ERC1: variants seen among roughly 807,000 people sequenced by gnomAD.
ERC1 encodes ELKS/RAB6-interacting/CAST family member 1.
ERC1 carries 56 observed loss-of-function variants against 132.0 expected under a neutral mutation model. The ratio of observed to expected loss-of-function variants is 0.42; its 90% CI spans 0.34 to 0.53. The LOEUF is 0.53. ERC1 is among the 20% of genes least tolerant of loss of function. ERC1 has a pLI of 0.03. For missense variants in ERC1, 1,202 were observed against 1,349.9 expected (o/e 0.89, Z 1.72); for synonymous variants, 478 against 476.1 (o/e 1.00, Z -0.05).
At chr12:1,304,559 A>T (rs547434621) in intron 15 of ERC1, among the ~76,000 whole-genome samples, 1 of 152,202 alleles carries the variant, frequency 6.6e-6, no homozygotes, top group Non-Finnish European at 1.5e-5. Context: ...CAACTGGTTA[A>T]GCAGCCAAAA....
chr12:1,429,691 AG>A (rs2092736611), intron 17 of ERC1, among the ~76,000 whole-genome samples: 1 of 152,224 alleles, frequency 6.6e-6, no homozygotes, highest in African/African-American at 2.4e-5. Flanking sequence ...AGAAAAACCC[AG>A]GTCTCCAGAG....
chr12:1,108,492 A>AC (rs1201161879), intron 4 of ERC1, among the ~76,000 whole-genome samples: 1 of 152,132 alleles, frequency 6.6e-6, no homozygotes. Context: ...ACAGAGGAGA[A>AC]CTTACCTTTA....
At chr12:1,441,636 C>G (rs1055192399) in intron 17 of ERC1, among the ~76,000 whole-genome samples, 1 of 152,146 alleles carries the variant, frequency 6.6e-6, no homozygotes, top group Non-Finnish European at 1.5e-5. Context: ...TACCCACAAA[C>G]ATGCGCGTGT....
intron 16 of ERC1, among the ~76,000 whole-genome samples, chr12:1,396,252 A>G (rs1851179573): frequency 6.6e-6 from 1 of 152,264 alleles, no homozygotes; most frequent in Non-Finnish European, 1.5e-5. Context: ...TAATACAAAG[A>G]GGAAAATGAA....
intron 2 of ERC1, among the ~76,000 whole-genome samples, chr12:1,039,832 G>A (rs1363504281): frequency 6.6e-6 from 1 of 152,174 alleles, no homozygotes; most frequent in African/African-American, 2.4e-5. Flanking sequence ...TTCAGTATCA[G>A]CTACATGCCT....
At position 1,364,406 on chromosome 12, in the gene ERC1, T is replaced by C. The variant is rs145690966; in HGVS notation, c.2781-7427T>C. 2.0e-3 allele frequency among the ~76,000 whole-genome samples: 300 copies of C among 152,326 alleles called. 2 individuals carry two copies. The highest frequency in any genetic ancestry group is 7.0e-3 in the African/African-American group (289 of 41,578). ...CAAATCACTTCTCATTCAGCATTTT[T>C]GTGTACCCTCTGCCTGCTGGGTTCT... On this transcript the variant is annotated intron_variant, in intron 15 of 18. Coordinates refer to ENST00000360905, the MANE Select transcript of ERC1 (RefSeq NM_178040.4).
In ERC1 at chr12:1,263,172, T is replaced by A; in HGVS notation, c.2619+7T>A. ...GACCAATGCTGAAAAACAGGTCTGC[T>A]ATTTTATACAGTTCCAAGCAATGCT... On this transcript the variant is annotated splice_region_variant and intron_variant, in intron 14 of 18. Coordinates refer to ENST00000360905, the MANE Select transcript of ERC1 (RefSeq NM_178040.4). The A allele has an allele frequency of 6.2e-7, 1 of 1,613,720 alleles. No individual in the cohort carries two copies. Among genetic ancestry groups the A allele is most frequent in the Non-Finnish European group, 8.5e-7 (1 of 1,179,832 alleles).
intron 5 of ERC1, among the ~76,000 whole-genome samples, chr12:1,111,627 CT>C (rs1404759290): frequency 2.2e-5 from 3 of 137,352 alleles, no homozygotes. Flanking sequence ...TTTTCTTTTT[CT>C]TTTTTTTTGA....
intron 18 of ERC1, among the ~76,000 whole-genome samples, chr12:1,478,610 G>A (rs1389512682): frequency 2.6e-5 from 4 of 151,962 alleles, no homozygotes; most frequent in South Asian, 2.1e-4. Flanking sequence ...TGGCTAACAC[G>A]GTGAAACCCC....
intron 3 of ERC1, among the ~76,000 whole-genome samples, chr12:1,093,955 T>A (rs372397743): frequency 6.8e-4 from 11 of 16,134 alleles, no homozygotes; most frequent in East Asian, 4.0e-3. Context: ...ATATATATTT[T>A]TCTATATATA....
chr12:1,032,952 A>G (rs1342634667), intron 2 of ERC1, among the ~76,000 whole-genome samples: 1 of 152,062 alleles, frequency 6.6e-6, no homozygotes, highest in Non-Finnish European at 1.5e-5. Flanking sequence ...GGCTCACTGC[A>G]ACCTCCATCT....
intron 15 of ERC1, among the ~76,000 whole-genome samples, chr12:1,349,702 T>G (rs1196285986): frequency 6.6e-6 from 1 of 150,810 alleles, no homozygotes; most frequent in African/African-American, 2.4e-5. Context: ...TACCTTGGAA[T>G]GTGTTGGCCG....
intron 5 of ERC1, 82 bp from the exon 6 acceptor site, chr12:1,112,133 A>C: frequency 1.2e-6 from 1 of 848,168 alleles, no homozygotes; most frequent in East Asian, 2.5e-5. Context: ...TGTTATTTCT[A>C]GTTACCATTC....
chr12:1,410,204 G>A (rs2091762047), intron 17 of ERC1, among the ~76,000 whole-genome samples: 1 of 152,166 alleles, frequency 6.6e-6, no homozygotes, highest in African/African-American at 2.4e-5. Context: ...TGTGGAACCT[G>A]CAGATACAGA....
At position 1,352,482 on chromosome 12, in the gene ERC1, T is replaced by A. The variant is rs7136871; in HGVS notation, c.2781-19351T>A. Among the ~76,000 whole-genome samples, 807 of 152,344 alleles carry A rather than the reference T, an allele frequency of 5.3e-3. 6 individuals are homozygous for A. The highest frequency in any genetic ancestry group is 0.018 in the African/African-American group (762 of 41,574). ...TGCAAATGGTTTGAATGTCATCATG[T>A]ATAGTTTATGTATTTATATATACTT... On this transcript the variant is annotated intron_variant, in intron 15 of 18. Transcript: ENST00000360905.
intron 13 of ERC1, among the ~76,000 whole-genome samples, chr12:1,249,184 A>G (rs544033837): frequency 6.6e-6 from 1 of 152,250 alleles, no homozygotes; most frequent in South Asian, 2.1e-4. Flanking sequence ...ATTACTTATT[A>G]TAACTTTTTA....
Position 1,083,332 on chromosome 12 carries a change from G to A in ERC1, c.838G>A (p.Glu280Lys). The change falls in exon 3 of 19, where the codon GAG (glutamate) becomes AAG (lysine). Residue 280 changes from glutamate to lysine, a missense_variant. By Grantham distance (56) the Glu-to-Lys change is moderately conservative (BLOSUM62 1). Coordinates refer to ENST00000360905, the MANE Select transcript of ERC1 (RefSeq NM_178040.4). ...LHAEHERQAK[E>K]LFLLRKTLEE... ...TGCTGAGCATGAGCGGCAGGCCAAA[G>A]AGCTGTTTCTTCTTCGAAAGACATT... 1 of 1,614,180 alleles carries A rather than the reference G, an allele frequency of 6.2e-7. No individual in the cohort carries two copies. Among genetic ancestry groups the A allele is most frequent in the Non-Finnish European group, 8.5e-7 (1 of 1,180,024 alleles).
At chr12:1,071,136 C>T (rs1170401616) in intron 2 of ERC1, among the ~76,000 whole-genome samples, 1 of 152,124 alleles carries the variant, frequency 6.6e-6, no homozygotes, top group Admixed American at 6.6e-5. Flanking sequence ...GTTTTTGGCT[C>T]TTATAGATAA....
chr12:1,299,002 C>G (rs1032031720), intron 15 of ERC1, among the ~76,000 whole-genome samples: 12 of 152,206 alleles, frequency 7.9e-5, no homozygotes, highest in African/African-American at 2.9e-4. Context: ...AAATATATAT[C>G]TAATAGAGCT....
Sources: allele counts gnomAD v4.1 joint callset (sites outside exome capture counted in the v4.1 genomes callset), GRCh38; gene constraint gnomAD v4.1.1; transcripts MANE v1.5; gene names NCBI Gene and HGNC (gene_info 2026-07-23, HGNC 2026-07-21).